PCDHGA10: variants seen among roughly 807,000 people sequenced by gnomAD.
PCDHGA10 encodes protocadherin gamma subfamily A, 10.
Under a neutral mutation model 59.5 loss-of-function variants are expected in PCDHGA10, and 42 were observed. The observed-to-expected ratio is 0.71, with a 90% CI of 0.55 to 0.91. The LOEUF is 0.91. PCDHGA10 is among the 40% of genes least tolerant of loss of function. The pLI, the probability that PCDHGA10 is intolerant of heterozygous loss-of-function variation, is 0.00. For synonymous variants in PCDHGA10, 511 were observed against 517.2 expected, an observed-to-expected ratio of 0.99 and a Z score of 0.16; for missense variants, 1,111 against 1,198.2, an observed-to-expected ratio of 0.93 and a Z score of 1.07.
intron 3 of PCDHGA10, among the ~76,000 whole-genome samples, chr5:141,510,204 C>T (rs1403130911): frequency 1.3e-5 from 2 of 150,304 alleles, no homozygotes; most frequent in Admixed American, 1.3e-4. Flanking sequence ...GCCCAGGAGG[C>T]AGAGGTTGCA....
intron 1 of PCDHGA10, among the ~76,000 whole-genome samples, chr5:141,481,655 T>A (rs933683728): frequency 1.3e-5 from 2 of 152,054 alleles, no homozygotes; most frequent in African/African-American, 4.8e-5. Flanking sequence ...TCATCTCTAC[T>A]AATAATACAA....
rs1174072440 is a variant in PCDHGA10, at chr5:141,438,581, TACATACATAC to T, written c.2436+22972_2436+22981del. Among the ~76,000 whole-genome samples, 141 of 49,790 alleles carry T rather than the reference TACATACATAC, an allele frequency of 2.8e-3. 1 individual carries two copies. Among genetic ancestry groups the T allele is most frequent in the African/African-American group, 0.014 (97 of 6,866 alleles). 32.7% of individuals were successfully genotyped at this position (49,790 alleles called of 152,430 possible). A position where few individuals can be genotyped will look rare whatever the true frequency, so the allele number is the denominator to read the frequency against. On this transcript the variant is annotated intron_variant, in intron 1 of 3. Coordinates refer to ENST00000398610, the MANE Select transcript of PCDHGA10 (RefSeq NM_018913.3). ...GAGGCAGCTGTCTGATATACATACA[TACATACATAC>T]ATATATATATATATATATATATATA...
chr5:141,500,234 A>T (rs2099798212), intron 2 of PCDHGA10, among the ~76,000 whole-genome samples: 1 of 148,996 alleles, frequency 6.7e-6, no homozygotes, highest in Non-Finnish European at 1.5e-5. Context: ...ATTGATACGT[A>T]GCCTTGCTCT....
Position 141,490,479 on chromosome 5 carries a change from C to A in PCDHGA10, c.2437-4328C>A. 6.2e-7 allele frequency: 1 copy of A among 1,614,216 alleles called. No homozygotes were observed. Among genetic ancestry groups the A allele is most frequent in the South Asian group, 1.1e-5 (1 of 91,086 alleles). On this transcript the variant is annotated intron_variant, in intron 1 of 3. Transcript: ENST00000398610. The surrounding 1 kb of genome is among the most constrained non-coding windows in gnomAD (Gnocchi z 5.4). ...CGCTGCTAACCAGCCAGCCTTTGGA[C>A]CGGGAGGCCACATCCCACTATATCA...
In PCDHGA10 at chr5:141,511,774, T is replaced by C. The variant is rs1173144009; in HGVS notation, c.*601T>C. 6.2e-6 allele frequency: 1 copy of C among 160,350 alleles called. No homozygotes were observed. The highest frequency in any genetic ancestry group is 1.4e-5 in the Non-Finnish European group (1 of 72,132). The allele number at this position is 160,350 out of a possible 1,614,324, so 9.9% of individuals were successfully genotyped here. A position where few individuals can be genotyped will look rare whatever the true frequency, so the allele number is the denominator to read the frequency against. On this transcript the variant is annotated 3_prime_UTR_variant, in exon 4 of 4. Coordinates refer to ENST00000398610, the MANE Select transcript of PCDHGA10 (RefSeq NM_018913.3). ...ATGATCACCATCCCCATGGTACTGA[T>C]GCTTGCTGGATTTAGGGAGGGCATT...
At chr5:141,510,335 AC>A (rs1247622083) in intron 3 of PCDHGA10, among the ~76,000 whole-genome samples, 1 of 149,138 alleles carries the variant, frequency 6.7e-6, no homozygotes, top group African/African-American at 2.5e-5. Context: ...CTTCACCCCC[AC>A]CCCACACACT....
rs2099750805 is a variant in PCDHGA10, at chr5:141,493,915, T to C, written c.2437-892T>C. ...TGCTCCATGAGAGTGTGTGATGGGA[T>C]AACACACCCCCTGGAAAGACCAGAA... On this transcript the variant is annotated intron_variant, in intron 1 of 3. Transcript: ENST00000398610. This position sits in a 1 kb window ranked among gnomAD's most constrained non-coding sequence, Gnocchi z 4.3. Among the ~76,000 whole-genome samples, 1 of 152,024 alleles carries C rather than the reference T, an allele frequency of 6.6e-6. No homozygotes were observed. Among genetic ancestry groups the C allele is most frequent in the African/African-American group, 2.4e-5 (1 of 41,386 alleles).
chr5:141,415,222 G>C lies in PCDHGA10; in HGVS notation c.2047G>C (p.Glu683Gln), dbSNP rs2095844564. ...AGTCCTGGCGGACCTCGGCAGCTTCGAGTCTCCAGCTAACTCTGAAACCTC... is the reference window on the plus strand; with the variant it reads ...AGTCCTGGCGGACCTCGGCAGCTTCCAGTCTCCAGCTAACTCTGAAACCTC... ...PQVLADLGSF[E>Q]SPANSETSDL... Residue 683 changes from glutamate to glutamine, a missense_variant, in exon 1 of 4, where the codon GAG (glutamate) becomes CAG (glutamine). Physicochemically the swap from Glu to Gln is conservative, Grantham distance 29 (BLOSUM62 2). Transcript: ENST00000398610. 1.2e-6 allele frequency: 2 copies of C among 1,613,990 alleles called. No homozygotes were observed. The highest frequency in any genetic ancestry group is 2.7e-5 in the African/African-American group (2 of 74,946).
rs761905572 is a variant in PCDHGA10 at position 141,486,493 on chromosome 5, T to A, written c.2437-8314T>A. The A allele has an allele frequency of 2.5e-6, 4 of 1,614,136 alleles. No homozygotes were observed. The highest frequency in any genetic ancestry group is 1.7e-4 in the Middle Eastern group (1 of 6,060). On this transcript the variant is annotated intron_variant, in intron 1 of 3. Transcript: ENST00000398610. This position sits in a 1 kb window ranked among gnomAD's most constrained non-coding sequence, Gnocchi z 5.0. ...ACCCTCCTCTCAGTACCCACAGAAC[T>A]ATTTTCCTCAATATTTCAGATGTGA... is the stretch of plus-strand genomic sequence containing the variant.
Position 141,432,477 on chromosome 5 carries a change from C to G in PCDHGA10, c.2436+16866C>G. On this transcript the variant is annotated intron_variant, in intron 1 of 3. Coordinates refer to ENST00000398610, the MANE Select transcript of PCDHGA10 (RefSeq NM_018913.3). This position sits in a 1 kb window ranked among gnomAD's most constrained non-coding sequence, Gnocchi z 6.0. ...CCCGCCCTCCCCACGGACGGTTCCA[C>G]TGGCGTGGAGCTGGCTCCCCGCTCC... 3 of 1,614,212 alleles carry G rather than the reference C, an allele frequency of 1.9e-6. No homozygotes were observed. Among genetic ancestry groups the G allele is most frequent in the Non-Finnish European group, 1.7e-6 (2 of 1,180,044 alleles).
At chr5:141,417,888 G>T (rs1406210540) in intron 1 of PCDHGA10, 1 of 1,566,768 alleles carries the variant, frequency 6.4e-7, no homozygotes, top group Middle Eastern at 1.7e-4. Context: ...CAGAGGCGCC[G>T]GGCCGGCCCG....
Position 141,432,035 on chromosome 5 carries a change from G to T in PCDHGA10, c.2436+16424G>T. 1 of 1,614,218 alleles carries T rather than the reference G, an allele frequency of 6.2e-7. No homozygotes were observed. The highest frequency in any genetic ancestry group is 1.1e-5 in the South Asian group (1 of 91,066). On this transcript the variant is annotated intron_variant, in intron 1 of 3. Transcript: ENST00000398610. The surrounding 1 kb of genome is among the most constrained non-coding windows in gnomAD (Gnocchi z 6.0). ...CTACAACATCACAGTGACCGCCACT[G>T]ACCGGGGAACCCCGCCCCTATCCAC... is the stretch of plus-strand genomic sequence containing the variant.
chr5:141,479,928 C>T (rs1309777916), intron 1 of PCDHGA10, among the ~76,000 whole-genome samples: 1 of 152,222 alleles, frequency 6.6e-6, no homozygotes, highest in African/African-American at 2.4e-5. Flanking sequence ...CTCAGTGCAT[C>T]ATTGCTATCA....
chr5:141,432,870 T>C lies in PCDHGA10; in HGVS notation c.2436+17259T>C, dbSNP rs1022024380. The stretch of plus-strand genomic sequence containing the variant: ...GCGGTGGCCGCGGTCTCCTGCGTCT[T>C]CCTGGCCTTCGTCATCTTGCTGCTG... On this transcript the variant is annotated intron_variant, in intron 1 of 3. Transcript: ENST00000398610. This position sits in a 1 kb window ranked among gnomAD's most constrained non-coding sequence, Gnocchi z 6.0. The C allele has an allele frequency of 1.9e-6, 3 of 1,614,030 alleles. No homozygotes were observed. In the African/African-American group the frequency reaches 4.0e-5, roughly 22 times the overall value.
At chr5:141,456,971 A>G (rs1031714073) in intron 1 of PCDHGA10, among the ~76,000 whole-genome samples, 1 of 147,384 alleles carries the variant, frequency 6.8e-6, no homozygotes, top group Non-Finnish European at 1.5e-5. Context: ...TCAAAACAAA[A>G]CAAACAAACA....
chr5:141,452,525 G>A (rs1227647193), intron 1 of PCDHGA10, among the ~76,000 whole-genome samples: 3 of 152,126 alleles, frequency 2.0e-5, no homozygotes, highest in Admixed American at 6.5e-5. Flanking sequence ...CCTCAAAATC[G>A]TGAGTTCATA....
chr5:141,507,559 G>T (rs542787142), intron 3 of PCDHGA10, among the ~76,000 whole-genome samples: 1 of 152,368 alleles, frequency 6.6e-6, no homozygotes, highest in African/African-American at 2.4e-5. Flanking sequence ...GTGGCAGGCG[G>T]CTGGGTCTGA....
intron 1 of PCDHGA10, among the ~76,000 whole-genome samples, chr5:141,452,316 T>C (rs2098738639): frequency 6.6e-6 from 1 of 152,208 alleles, no homozygotes; most frequent in Non-Finnish European, 1.5e-5. Flanking sequence ...ACTCATACTT[T>C]CCTTGTTCCA....
At chr5:141,472,507 T>G (rs919448316) in intron 1 of PCDHGA10, among the ~76,000 whole-genome samples, 2 of 151,872 alleles carry the variant, frequency 1.3e-5, no homozygotes, top group African/African-American at 4.8e-5. Context: ...GCCACTGCAC[T>G]CCAGCCTGGG....
Sources: allele counts gnomAD v4.1 joint callset (sites outside exome capture counted in the v4.1 genomes callset), GRCh38; gene constraint gnomAD v4.1.1; non-coding constraint Gnocchi (gnomAD v3.1); transcripts MANE v1.5; gene names NCBI Gene and HGNC (gene_info 2026-07-23, HGNC 2026-07-21).